The following ZMYND8 variants were observed in gnomAD, a reference collection of about 807,000 sequenced individuals.
The protein encoded by ZMYND8 is zinc finger MYND-type containing 8, also known as MYND-type zinc finger-containing chromatin reader ZMYND8.
A neutral mutation model predicts 140.8 loss-of-function variants in ZMYND8; 37 were observed. The ratio of observed to expected loss-of-function variants is 0.26; its 90% CI spans 0.20 to 0.35. The LOEUF is 0.35. Ranked by LOEUF, ZMYND8 falls within the 10% of genes least tolerant of loss-of-function variation. The pLI, the probability that ZMYND8 is intolerant of heterozygous loss-of-function variation, is 1.00. For synonymous variants in ZMYND8, 592 were observed against 597.1 expected (o/e 0.99, Z 0.12); for missense variants, 1,068 against 1,570.0 (o/e 0.68, Z 5.40).
chr20:47,342,406 G>T (rs1206721072), intron 2 of ZMYND8, among the ~76,000 whole-genome samples: 1 of 150,332 alleles, frequency 6.7e-6, no homozygotes, highest in Admixed American at 6.7e-5. Flanking sequence ...AATTAGCCAG[G>T]CGTGGTGGTG....
At chr20:47,351,993 G>A in intron 1 of ZMYND8, 1 of 985,404 alleles carries the variant, frequency 1.0e-6, no homozygotes, top group Non-Finnish European at 1.2e-6. Flanking sequence ...CTAAGGAAAA[G>A]CCTTCTCTTG....
At chr20:47,259,822 A>G (rs572368971) in intron 12 of ZMYND8, among the ~76,000 whole-genome samples, 3 of 152,240 alleles carry the variant, frequency 2.0e-5, no homozygotes, top group South Asian at 4.1e-4. Context: ...GCCACCAATC[A>G]TTAGATGCCA....
intron 1 of ZMYND8, chr20:47,352,557 G>A (rs963793772): frequency 6.8e-5 from 67 of 985,194 alleles, no homozygotes; most frequent in African/African-American, 1.9e-4. Flanking sequence ...TTCAGAGGCC[G>A]AACTAACAGC....
At chr20:47,232,238 G>C (rs559339884) in intron 16 of ZMYND8, among the ~76,000 whole-genome samples, 1 of 152,254 alleles carries the variant, frequency 6.6e-6, no homozygotes, top group East Asian at 1.9e-4. Context: ...CAGGTGTGGT[G>C]GTCAGGGCAC....
At chr20:47,343,957 CT>C (rs750832298) in intron 2 of ZMYND8, among the ~76,000 whole-genome samples, 420 of 119,918 alleles carry the variant, frequency 3.5e-3, no homozygotes, top group South Asian at 0.013. Context: ...AGTGATAAAT[CT>C]TTTTTTTTTT....
intron 1 of ZMYND8, chr20:47,353,598 G>C (rs1363332067): frequency 6.6e-6 from 1 of 152,204 alleles, no homozygotes; most frequent in African/African-American, 2.4e-5. Context: ...AGCAGAAAGT[G>C]AATCCATCCT....
At chr20:47,269,113 T>C (rs2075755335) in intron 11 of ZMYND8, among the ~76,000 whole-genome samples, 1 of 151,372 alleles carries the variant, frequency 6.6e-6, no homozygotes, top group Non-Finnish European at 1.5e-5. Flanking sequence ...GCAAGAGAAC[T>C]GCTTAAACCT....
chr20:47,271,302 G>A (rs2075929867), intron 11 of ZMYND8, among the ~76,000 whole-genome samples: 1 of 152,196 alleles, frequency 6.6e-6, no homozygotes, highest in South Asian at 2.1e-4. Context: ...CTGACACATG[G>A]TGCATGCTAG....
At chr20:47,352,399 T>A in intron 1 of ZMYND8, 1 of 957,798 alleles carries the variant, frequency 1.0e-6, no homozygotes, top group Non-Finnish European at 1.2e-6. Context: ...CCTAAGACAG[T>A]TAACATCAAG....
At chr20:47,304,498 A>G (rs185390290) in intron 3 of ZMYND8, among the ~76,000 whole-genome samples, 1 of 152,342 alleles carries the variant, frequency 6.6e-6, no homozygotes, top group East Asian at 1.9e-4. Flanking sequence ...TCTAGCCCAC[A>G]GGCTGTAGTT....
intron 13 of ZMYND8, among the ~76,000 whole-genome samples, chr20:47,247,922 G>T (rs1471979012): frequency 6.6e-6 from 1 of 152,122 alleles, no homozygotes; most frequent in Non-Finnish European, 1.5e-5. Flanking sequence ...GGCTAGCCAG[G>T]GCAACACAGG....
In ZMYND8 at chr20:47,252,593, A is replaced by C. The variant is rs1204019454; in HGVS notation, c.1622-3154T>G. On this transcript the variant is annotated intron_variant, in intron 12 of 22. Coordinates refer to ENST00000471951, the MANE Select transcript of ZMYND8 (RefSeq NM_001281775.3). ...TACTAGAATACACAGTTAACGAAAA[A>C]ATTTACAAAAGAGACCAACAAACTT... Among the ~76,000 whole-genome samples the C allele has an allele frequency of 1.3e-5, 2 of 152,188 alleles. 1 individual carries two copies. Among genetic ancestry groups the C allele is most frequent in the South Asian group, 4.1e-4 (2 of 4,834 alleles).
chr20:47,349,046 T>TGTCCTGGGGAAGAGAGAATGTTCC (rs2082567396), intron 1 of ZMYND8: 1 of 152,172 alleles, frequency 6.6e-6, no homozygotes, highest in Non-Finnish European at 1.5e-5. Flanking sequence ...GAGAATGTCC[T>TGTCCTGGGGAAGAGAGAATGTTCC]GTCCTGGGGA....
At chr20:47,233,500 C>G (rs1354054576) in intron 16 of ZMYND8, among the ~76,000 whole-genome samples, 1 of 152,188 alleles carries the variant, frequency 6.6e-6, no homozygotes, top group Non-Finnish European at 1.5e-5. Context: ...CTGGCTCAAA[C>G]AGCCACACTG....
At chr20:47,255,712 GTGTATGTGTGTATATATA>G (rs2074584440) in intron 12 of ZMYND8, among the ~76,000 whole-genome samples, 2 of 60,678 alleles carry the variant, frequency 3.3e-5, no homozygotes, top group African/African-American at 1.8e-4. Context: ...TATATATACC[GTGTATGTGTGTATATATA>G]TATATATATA....
intron 3 of ZMYND8, among the ~76,000 whole-genome samples, chr20:47,300,426 C>T (rs558493916): frequency 1.3e-5 from 2 of 152,272 alleles, no homozygotes; most frequent in East Asian, 3.9e-4. Flanking sequence ...ATATCTTCTA[C>T]GTTGGTGAGA....
intron 2 of ZMYND8, among the ~76,000 whole-genome samples, chr20:47,335,170 C>T (rs958069932): frequency 6.6e-6 from 1 of 151,920 alleles, no homozygotes; most frequent in Non-Finnish European, 1.5e-5. Context: ...CTGCTTGAGC[C>T]AGGAAATCAA....
intron 13 of ZMYND8, 54 bp from the exon 14 acceptor site, chr20:47,246,571 G>A (rs763244731): frequency 3.3e-5 from 50 of 1,514,954 alleles, no homozygotes; most frequent in Non-Finnish European, 4.4e-5. Flanking sequence ...TAAAGAGCAG[G>A]ATGAAAAATG....
chr20:47,230,335 A>C (rs1483147160), intron 16 of ZMYND8, among the ~76,000 whole-genome samples: 11 of 151,066 alleles, frequency 7.3e-5, no homozygotes, highest in Non-Finnish European at 1.6e-4. Flanking sequence ...TCTGTTGCCC[A>C]GACTGGAGTG....
Sources: allele counts gnomAD v4.1 joint callset (sites outside exome capture counted in the v4.1 genomes callset), GRCh38; gene constraint gnomAD v4.1.1; transcripts MANE v1.5; gene names NCBI Gene and HGNC (gene_info 2026-07-23, HGNC 2026-07-21).